The following EDAR variants were observed in gnomAD, a reference collection of about 807,000 sequenced individuals.
The protein encoded by EDAR is tumor necrosis factor receptor superfamily member EDAR.
Under a neutral mutation model 51.3 loss-of-function variants are expected in EDAR, and 38 were observed. The ratio of observed to expected loss-of-function variants is 0.74; its 90% CI spans 0.57 to 0.97. The LOEUF (loss-of-function observed/expected upper bound fraction) is 0.97. Ranked by LOEUF, EDAR falls within the 50% of genes least tolerant of loss-of-function variation. The probability of loss-of-function intolerance (pLI) is 0.00; values close to 1 mark genes in which losing one functional copy is unlikely to be tolerated. For missense variants in EDAR, 528 were observed against 595.0 expected (o/e 0.89, Z 1.17); for synonymous variants, 227 against 242.1 (o/e 0.94, Z 0.58).
At position 108,912,705 on chromosome 2, in the gene EDAR, G is replaced by C; in HGVS notation, c.502C>G (p.Leu168Val). ...NFPGTSGSST[L>V]SPFQHAHKEL... ...TTGTGGGCGTGCTGGAAGGGAGACAGGGTGCTGCTGCCCGAGGTGCCAGGG... is the reference window on the plus strand; with the variant it reads ...TTGTGGGCGTGCTGGAAGGGAGACACGGTGCTGCTGCCCGAGGTGCCAGGG... The change falls in exon 6 of 12, where the codon CTG (leucine) becomes GTG (valine). Residue 168 changes from leucine (L) to valine (V), a missense_variant. Leu to Val is a conservative substitution (Grantham distance 32). Transcript: ENST00000258443. 1 of 1,600,862 alleles carries C rather than the reference G, an allele frequency of 6.2e-7. No individual in the cohort carries two copies.
intron 1 of EDAR, among the ~76,000 whole-genome samples, chr2:108,988,170 C>T (rs979349242): frequency 6.6e-6 from 1 of 152,328 alleles, no homozygotes; most frequent in East Asian, 1.9e-4. Context: ...AACTGTCCCT[C>T]TTGTTGCTGA....
chr2:108,942,014 T>C (rs1381097613), intron 1 of EDAR, among the ~76,000 whole-genome samples: 2 of 152,206 alleles, frequency 1.3e-5, no homozygotes, highest in Non-Finnish European at 2.9e-5. Context: ...CCTTGTGTGA[T>C]GGAAACTCCA....
chr2:108,935,269 A>G (rs1215781667), intron 1 of EDAR, among the ~76,000 whole-genome samples: 1 of 152,172 alleles, frequency 6.6e-6, no homozygotes, highest in Non-Finnish European at 1.5e-5. Flanking sequence ...TACTGAGCTC[A>G]GACCCCAGCC....
intron 1 of EDAR, among the ~76,000 whole-genome samples, chr2:108,961,861 T>C (rs1698053845): frequency 6.6e-6 from 1 of 152,108 alleles, no homozygotes; most frequent in East Asian, 1.9e-4. Context: ...GTGCTGGAAA[T>C]GAATGGAAGC....
At chr2:108,931,909 A>G (rs1697373559) in intron 1 of EDAR, among the ~76,000 whole-genome samples, 1 of 152,078 alleles carries the variant, frequency 6.6e-6, no homozygotes, top group African/African-American at 2.4e-5. Flanking sequence ...TGCCACAACA[A>G]AACAGCAAGT....
intron 5 of EDAR, among the ~76,000 whole-genome samples, chr2:108,914,851 G>A (rs1387542941): frequency 1.3e-5 from 2 of 152,192 alleles, no homozygotes; most frequent in Non-Finnish European, 2.9e-5. Flanking sequence ...GAATGGCCCA[G>A]CACTGTGCCT....
At chr2:108,913,018 G>T (rs1030855098) in intron 5 of EDAR, among the ~76,000 whole-genome samples, 3 of 149,646 alleles carry the variant, frequency 2.0e-5, no homozygotes, top group African/African-American at 7.4e-5. Context: ...GCGTGATCTC[G>T]GCTCACTGCA....
intron 5 of EDAR, among the ~76,000 whole-genome samples, chr2:108,919,242 G>C (rs1369871061): frequency 6.6e-6 from 1 of 152,232 alleles, no homozygotes; most frequent in Non-Finnish European, 1.5e-5. Flanking sequence ...CAGAGTAGCA[G>C]AGATTTCTCC....
rs770369940 is a variant in EDAR at position 108,897,119 on chromosome 2, C to T, written c.1135G>A (p.Glu379Lys). ...AVVKTWRHLAESFGLKRDEIG... is the reference protein window; with the variant it reads ...AVVKTWRHLAKSFGLKRDEIG... The stretch of plus-strand genomic sequence containing the variant: ...TCATCCCTCTTCAGGCCGAAGCTCT[C>T]GGCGAGGTGGCGCCACGTTTTCACA... Residue 379 changes from glutamate to lysine, a missense_variant, in exon 12 of 12, where the codon GAG becomes AAG. By Grantham distance (56) the Glu-to-Lys change is moderately conservative. Transcript: ENST00000258443. 2.1e-5 allele frequency: 34 copies of T among 1,613,916 alleles called. No individual in the cohort carries two copies. Among genetic ancestry groups the T allele is most frequent in the Non-Finnish European group, 1.5e-5 (18 of 1,180,040 alleles).
At chr2:108,968,711 G>A (rs1427166762) in intron 1 of EDAR, among the ~76,000 whole-genome samples, 1 of 152,188 alleles carries the variant, frequency 6.6e-6, no homozygotes, top group Non-Finnish European at 1.5e-5. Context: ...GGGTAGCCCT[G>A]GGTTAAAGCT....
At chr2:108,900,937 A>G (rs536603920) in intron 11 of EDAR, among the ~76,000 whole-genome samples, 3 of 152,358 alleles carry the variant, frequency 2.0e-5, no homozygotes, top group Non-Finnish European at 4.4e-5. Context: ...ATAAGTCCAC[A>G]ATTATAGTTG....
chr2:108,973,318 C>T (rs1477782384), intron 1 of EDAR, among the ~76,000 whole-genome samples: 1 of 152,122 alleles, frequency 6.6e-6, no homozygotes, highest in Non-Finnish European at 1.5e-5. Flanking sequence ...CGCCTCCCTG[C>T]AAGTTGTGAG....
At chr2:108,913,132 G>A (rs1407729496) in intron 5 of EDAR, among the ~76,000 whole-genome samples, 2 of 151,990 alleles carry the variant, frequency 1.3e-5, no homozygotes, top group African/African-American at 4.8e-5. Context: ...TGTATTTTTA[G>A]TAGAGACGGG....
chr2:108,945,371 C>A lies in EDAR; in HGVS notation c.-18-14339G>T, dbSNP rs950738087. On this transcript the variant is annotated intron_variant, in intron 1 of 11. Transcript: ENST00000258443. The stretch of plus-strand genomic sequence containing the variant: ...TTATTTATCCCCATGCCAAGAGCCC[C>A]CAAGCAACGCCAAGGCATTTGGAAC... Among the ~76,000 whole-genome samples the A allele has an allele frequency of 3.9e-5, 6 of 152,238 alleles. No homozygotes were observed. In the South Asian group the frequency reaches 1.2e-3, roughly 32 times the overall value.
Position 108,983,829 on chromosome 2 carries a change from T to C in EDAR, c.-19+5131A>G, listed in dbSNP as rs937644890. Among the ~76,000 whole-genome samples, 6 of 152,272 alleles carry C rather than the reference T, an allele frequency of 3.9e-5. No individual in the cohort carries two copies. In the South Asian group the frequency reaches 1.0e-3, roughly 26 times the overall value. ...GCATCAGTGATCTCTGAACCCGTTC[T>C]CCAACAATTTTGCCAACTGAGCCAT... is the stretch of plus-strand genomic sequence containing the variant. On this transcript the variant is annotated intron_variant, in intron 1 of 11. Transcript: ENST00000258443.
At chr2:108,988,646 G>A (rs150819108) in intron 1 of EDAR, among the ~76,000 whole-genome samples, 3 of 152,126 alleles carry the variant, frequency 2.0e-5, no homozygotes, top group South Asian at 2.1e-4. Context: ...TACTTTTCAC[G>A]CTCCCTGGAG....
rs1297083691 is a variant in EDAR, at chr2:108,989,041, A to T, written c.-100T>A. 1 of 152,584 alleles carries T rather than the reference A, an allele frequency of 6.6e-6. No individual in the cohort carries two copies. The highest frequency in any genetic ancestry group is 1.5e-5 in the Non-Finnish European group (1 of 68,062). The allele number at this position is 152,584 out of a possible 1,614,324, so 9.5% of individuals were successfully genotyped here. ...GTCAGGTACCATCCAGTTCTGGGTGACAGGCTTCACAGGTGGCCACCGTGG... is the reference window on the plus strand; with the variant it reads ...GTCAGGTACCATCCAGTTCTGGGTGTCAGGCTTCACAGGTGGCCACCGTGG... On this transcript the variant is annotated 5_prime_UTR_variant, in exon 1 of 12. Coordinates refer to ENST00000258443, the MANE Select transcript of EDAR (RefSeq NM_022336.4).
chr2:108,943,658 C>T (rs1245859056), intron 1 of EDAR, among the ~76,000 whole-genome samples: 1 of 152,126 alleles, frequency 6.6e-6, no homozygotes, highest in Non-Finnish European at 1.5e-5. Flanking sequence ...GCGTATTTTC[C>T]GTGGCCTGGT....
intron 1 of EDAR, among the ~76,000 whole-genome samples, chr2:108,937,773 A>ATG (rs1697506397): frequency 6.6e-6 from 1 of 152,060 alleles, no homozygotes; most frequent in African/African-American, 2.4e-5. Flanking sequence ...GTGTGAATGT[A>ATG]TGTGTGTGTA....
Sources: gnomAD v4.1 joint callset for allele counts (sites outside exome capture counted in the v4.1 genomes callset) on GRCh38, gnomAD v4.1.1 for gene constraint, MANE v1.5 for transcripts, NCBI Gene and HGNC (gene_info 2026-07-23, HGNC 2026-07-21) for gene names.